Variants in TBX20 observed in about 807,000 individuals in gnomAD.
The protein encoded by TBX20 is T-box transcription factor 20, also known as T-box transcription factor TBX20.
TBX20 carries 8 observed loss-of-function variants against 42.9 expected under a neutral mutation model. The observed-to-expected ratio is 0.19, with a 90% confidence interval of 0.11 to 0.34. TBX20 has a LOEUF of 0.34. Ranked by LOEUF, TBX20 falls within the 10% of genes least tolerant of loss-of-function variation. The pLI is 1.00. For missense variants in TBX20, 411 were observed against 566.0 expected (o/e 0.73, Z 2.78); for synonymous variants, 198 against 222.8 (o/e 0.89, Z 0.99).
intron 6 of TBX20, among the ~76,000 whole-genome samples, chr7:35,213,700 A>T (rs531930080): frequency 1.3e-5 from 2 of 152,044 alleles, no homozygotes; most frequent in Non-Finnish European, 2.9e-5. Flanking sequence ...TATCAAATGC[A>T]TGAATGAATA....
At position 35,253,418 on chromosome 7, in the gene TBX20, G is replaced by A; in HGVS notation, c.127+76C>T. The A allele has an allele frequency of 3.3e-6, 5 of 1,535,346 alleles. No individual in the cohort carries two copies. In the South Asian group the frequency reaches 4.7e-5, roughly 14 times the overall value. On this transcript the variant is annotated intron_variant, in intron 1 of 7. Transcript: ENST00000408931. ...GCTTGAGCATCAGACGTTGCTGCGA[G>A]CCGCCTGCAGCCAGGGGCACAGACG...
chr7:35,221,247 C>T (rs1789677348), intron 6 of TBX20, among the ~76,000 whole-genome samples: 1 of 143,138 alleles, frequency 7.0e-6, no homozygotes, highest in African/African-American at 2.6e-5. Flanking sequence ...AAAAAAAAAT[C>T]TCTATTTCCT....
chr7:35,249,057 C>T lies in TBX20; in HGVS notation c.381-216G>A, dbSNP rs1437298444. ...AAGCCTAGATAATTTTAAGTGTCAC[C>T]TTTAAGCAGGTGTTAATTGCTAGGT... On this transcript the variant is annotated intron_variant, in intron 2 of 7. Transcript: ENST00000408931. This position sits in a 1 kb window ranked among gnomAD's most constrained non-coding sequence, Gnocchi z 4.3. Among the ~76,000 whole-genome samples, 1 of 119,872 alleles carries T rather than the reference C, an allele frequency of 8.3e-6. No homozygotes were observed. Among genetic ancestry groups the T allele is most frequent in the Non-Finnish European group, 1.6e-5 (1 of 63,142 alleles). The allele number at this position is 119,872 out of a possible 152,430, so 78.6% of individuals were successfully genotyped here.
intron 4 of TBX20, among the ~76,000 whole-genome samples, chr7:35,242,459 G>T (rs1790102011): frequency 6.6e-6 from 1 of 152,056 alleles, no homozygotes; most frequent in Non-Finnish European, 1.5e-5. Context: ...CTTGAATAAA[G>T]TTGAAGCAGC....
chr7:35,220,601 A>G (rs977248516), intron 6 of TBX20, among the ~76,000 whole-genome samples: 3 of 152,230 alleles, frequency 2.0e-5, no homozygotes, highest in African/African-American at 7.2e-5. Flanking sequence ...CCCCTTCTTC[A>G]ATCTATACCT....
At chr7:35,220,093 A>G (rs1584345374) in intron 6 of TBX20, among the ~76,000 whole-genome samples, 2 of 152,214 alleles carry the variant, frequency 1.3e-5, no homozygotes, top group Admixed American at 1.3e-4. Flanking sequence ...ATATTAAAAT[A>G]TTTCAGCCAC....
chr7:35,220,968 T>A (rs1789673134), intron 6 of TBX20, among the ~76,000 whole-genome samples: 1 of 152,082 alleles, frequency 6.6e-6, no homozygotes, highest in South Asian at 2.1e-4. Flanking sequence ...TTCTCACATT[T>A]TAAAGGAACT....
At chr7:35,246,112 C>G (rs1790178783) in intron 3 of TBX20, among the ~76,000 whole-genome samples, 1 of 152,190 alleles carries the variant, frequency 6.6e-6, no homozygotes, top group Non-Finnish European at 1.5e-5. Context: ...AACAAGAAAT[C>G]TGTTCCATGG....
At chr7:35,236,107 G>A (rs1271775478) in intron 5 of TBX20, among the ~76,000 whole-genome samples, 2 of 151,982 alleles carry the variant, frequency 1.3e-5, no homozygotes, top group East Asian at 1.9e-4. Flanking sequence ...AAAAACCAGA[G>A]AAAGAAATAG....
intron 5 of TBX20, among the ~76,000 whole-genome samples, chr7:35,237,057 C>CA (rs1379560602): frequency 6.6e-6 from 1 of 151,854 alleles, no homozygotes; most frequent in African/African-American, 2.4e-5. Flanking sequence ...CTTGGCCTTG[C>CA]AATCTATCAT....
At chr7:35,202,813 T>C (rs1419928394) in intron 7 of TBX20, 43 bp from the exon 8 acceptor site, 3 of 1,503,822 alleles carry the variant, frequency 2.0e-6, no homozygotes, top group Non-Finnish European at 2.7e-6. Context: ...ACTGTGTCAA[T>C]GTACAGATCA....
Position 35,253,778 on chromosome 7 carries a change from C to T in TBX20, c.-158G>A. 1.1e-6 allele frequency: 1 copy of T among 871,924 alleles called. No individual in the cohort carries two copies. Among genetic ancestry groups the T allele is most frequent in the Non-Finnish European group, 1.7e-6 (1 of 577,612 alleles). The allele number at this position is 871,924 out of a possible 1,614,324, so 54.0% of individuals were successfully genotyped here. ...AGTGTCAGCTCCAACGACTCCAGAGCTGCACACTGGCCTCTATTCCCCACC... is the reference window on the plus strand; with the variant it reads ...AGTGTCAGCTCCAACGACTCCAGAGTTGCACACTGGCCTCTATTCCCCACC... On this transcript the variant is annotated 5_prime_UTR_variant, in exon 1 of 8. Transcript: ENST00000408931.
chr7:35,251,816 T>G (rs1329689679), intron 1 of TBX20, among the ~76,000 whole-genome samples: 1 of 152,254 alleles, frequency 6.6e-6, no homozygotes, highest in South Asian at 2.1e-4. Context: ...ACAGAACTTT[T>G]AGGTGTTTCT....
chr7:35,232,377 G>A (rs932963891), intron 5 of TBX20, among the ~76,000 whole-genome samples: 10 of 152,162 alleles, frequency 6.6e-5, no homozygotes, highest in African/African-American at 2.4e-4. Context: ...AGGAGAATAC[G>A]TTAAGTTGTA....
chr7:35,220,609 C>G (rs1789665608), intron 6 of TBX20, among the ~76,000 whole-genome samples: 1 of 152,194 alleles, frequency 6.6e-6, no homozygotes, highest in South Asian at 2.1e-4. Context: ...TCAATCTATA[C>G]CTGGAAGATC....
intron 3 of TBX20, among the ~76,000 whole-genome samples, chr7:35,248,248 T>C (rs1790232031): frequency 1.3e-5 from 2 of 152,228 alleles, no homozygotes; most frequent in Non-Finnish European, 2.9e-5. Flanking sequence ...GATTAACAAA[T>C]ACTTACTGTA....
chr7:35,235,455 T>C (rs1199811408), intron 5 of TBX20, among the ~76,000 whole-genome samples: 1 of 152,134 alleles, frequency 6.6e-6, no homozygotes, highest in Non-Finnish European at 1.5e-5. Flanking sequence ...AAAAGAAGTA[T>C]CAAAAATAAA....
At chr7:35,223,227 T>C (rs1307407730) in intron 6 of TBX20, among the ~76,000 whole-genome samples, 1 of 152,074 alleles carries the variant, frequency 6.6e-6, no homozygotes, top group Non-Finnish European at 1.5e-5. Flanking sequence ...ATGGGAACAG[T>C]AAGGGAAGAG....
chr7:35,250,068 G>A lies in TBX20; in HGVS notation c.263C>T (p.Thr88Ile). The change falls in exon 2 of 8, where the codon ACC (threonine) becomes ATC (isoleucine). Residue 88 changes from threonine to isoleucine, a missense_variant. Physicochemically the swap from Thr to Ile is moderately conservative, Grantham distance 89 (BLOSUM62 -1). Coordinates refer to ENST00000408931, the MANE Select transcript of TBX20 (RefSeq NM_001077653.2). ...SSLCTEPLIP[T>I]TPIIPSEEMA... ...TTCCTCACTGGGGATGATGGGGGTG[G>A]TGGGGATCAGTGGCTCAGTGCACAG... is the stretch of plus-strand genomic sequence containing the variant. 6.2e-7 allele frequency: 1 copy of A among 1,613,964 alleles called. No homozygotes were observed. The highest frequency in any genetic ancestry group is 1.3e-5 in the African/African-American group (1 of 74,996).
Sources: allele counts gnomAD v4.1 joint callset (sites outside exome capture counted in the v4.1 genomes callset), GRCh38; gene constraint gnomAD v4.1.1; non-coding constraint Gnocchi (gnomAD v3.1); transcripts MANE v1.5; gene names NCBI Gene and HGNC (gene_info 2026-07-23, HGNC 2026-07-21).